The following NAALAD2 variants were observed in gnomAD, a reference collection of about 807,000 sequenced individuals.
NAALAD2 encodes the protein N-acetylated-alpha-linked acidic dipeptidase 2.
Under a neutral mutation model 95.6 loss-of-function variants are expected in NAALAD2, and 89 were observed. The observed-to-expected ratio is 0.93, with a 90% CI of 0.78 to 1.11. NAALAD2 has a LOEUF of 1.11. NAALAD2 is among the 50% of genes least tolerant of loss of function. The pLI, the probability that NAALAD2 is intolerant of heterozygous loss-of-function variation, is 0.00. For missense variants in NAALAD2, 894 were observed against 872.4 expected (o/e 1.02, Z -0.31); for synonymous variants, 264 against 294.4 (o/e 0.90, Z 1.06).
upstream of NAALAD2, among the ~76,000 whole-genome samples, chr11:90,133,697 G>C (rs769699326): frequency 2.0e-5 from 3 of 152,182 alleles, no homozygotes; most frequent in Non-Finnish European, 4.4e-5. Flanking sequence ...ATATGCAATG[G>C]CCTGGGACAA....
chr11:90,184,565 GTTA>G (rs1267357655), intron 18 of NAALAD2, among the ~76,000 whole-genome samples: 1 of 151,984 alleles, frequency 6.6e-6, no homozygotes, highest in African/African-American at 2.4e-5. Flanking sequence ...CTCAGGTGTT[GTTA>G]TTAGTCTATC....
chr11:90,150,427 G>GC (rs1951857195), intron 4 of NAALAD2, 55 bp from the exon 5 acceptor site: 2 of 1,098,702 alleles, frequency 1.8e-6, no homozygotes, highest in Non-Finnish European at 2.5e-6. Context: ...CTTATTTTTT[G>GC]TTTTTTTTTT....
In NAALAD2 at chr11:90,150,545, G is replaced by A; in HGVS notation, c.547G>A (p.Gly183Ser). The change falls in exon 5 of 19, where the codon GGC becomes AGC. Residue 183 changes from glycine (G) to serine (S), a missense_variant. Gly to Ser is a moderately conservative substitution (Grantham distance 56). Coordinates refer to ENST00000534061, the MANE Select transcript of NAALAD2 (RefSeq NM_005467.4). The part of the protein sequence containing the change: ...EDFFKLEREM[G>S]INCTGKIVIA... ...CTTTTTCAAACTAGAAAGAGAGATG[G>A]GCATCAACTGTACTGGGAAGATTGT... 6.2e-7 allele frequency: 1 copy of A among 1,610,230 alleles called. No homozygotes were observed. The highest frequency in any genetic ancestry group is 2.2e-5 in the East Asian group (1 of 44,696).
intron 13 of NAALAD2, among the ~76,000 whole-genome samples, chr11:90,171,086 A>G (rs1399861958): frequency 2.0e-5 from 3 of 152,252 alleles, no homozygotes; most frequent in East Asian, 1.9e-4. Context: ...ATTTATAAAT[A>G]TTAAATGAGT....
upstream of NAALAD2, among the ~76,000 whole-genome samples, chr11:90,133,508 A>AT (rs397957060): frequency 6.6e-6 from 1 of 151,858 alleles, no homozygotes; most frequent in Non-Finnish European, 1.5e-5. Flanking sequence ...GAAAAAAAAA[A>AT]GGCTTACAAA....
chr11:90,163,670 T>C (rs1245366340), intron 11 of NAALAD2, 53 bp downstream of exon 11: 1 of 1,472,670 alleles, frequency 6.8e-7, no homozygotes, highest in South Asian at 1.1e-5. Context: ...AGGGAACAAA[T>C]ATGTATGTGT....
intron 16 of NAALAD2, among the ~76,000 whole-genome samples, chr11:90,181,240 T>G (rs1952958728): frequency 6.6e-6 from 1 of 152,212 alleles, no homozygotes; most frequent in African/African-American, 2.4e-5. Flanking sequence ...ATTGGTATTT[T>G]TTTTTGCCCT....
upstream of NAALAD2, among the ~76,000 whole-genome samples, chr11:90,133,978 C>A (rs1184907074): frequency 6.6e-6 from 1 of 152,072 alleles, no homozygotes; most frequent in Non-Finnish European, 1.5e-5. Flanking sequence ...GTCAGAGAGA[C>A]CCCCTGGCTT....
intron 3 of NAALAD2, among the ~76,000 whole-genome samples, chr11:90,148,637 A>G (rs139120754): frequency 6.6e-6 from 1 of 152,252 alleles, no homozygotes; most frequent in Admixed American, 6.5e-5. Flanking sequence ...GAGGCAAGCA[A>G]TGGGCTGGGG....
intron 11 of NAALAD2, among the ~76,000 whole-genome samples, chr11:90,168,239 C>G (rs1357753617): frequency 3.3e-5 from 5 of 152,150 alleles, no homozygotes; most frequent in African/African-American, 1.2e-4. Context: ...GGAAGAAACT[C>G]TGAACACATC....
intron 14 of NAALAD2, among the ~76,000 whole-genome samples, chr11:90,175,049 C>T (rs758028240): frequency 2.0e-4 from 31 of 152,228 alleles, no homozygotes; most frequent in Non-Finnish European, 3.7e-4. Context: ...CCCAAGATAT[C>T]TCACTGCATA....
At chr11:90,174,354 C>G (rs1952726927) in intron 14 of NAALAD2, among the ~76,000 whole-genome samples, 1 of 151,622 alleles carries the variant, frequency 6.6e-6, no homozygotes, top group African/African-American at 2.4e-5. Flanking sequence ...AATAAGAATT[C>G]TTCTATCCAG....
chr11:90,144,352 AG>A (rs1324475994), intron 2 of NAALAD2, among the ~76,000 whole-genome samples: 1 of 152,182 alleles, frequency 6.6e-6, no homozygotes, highest in Non-Finnish European at 1.5e-5. Context: ...GAGAGTAAGA[AG>A]GCCTCCTAGC....
chr11:90,171,311 C>A (rs1413338333), intron 13 of NAALAD2, among the ~76,000 whole-genome samples: 1 of 152,020 alleles, frequency 6.6e-6, no homozygotes, highest in Non-Finnish European at 1.5e-5. Flanking sequence ...TTAATCTTAC[C>A]CCTCTCTTTT....
chr11:90,174,331 C>CA (rs778712509), intron 14 of NAALAD2, among the ~76,000 whole-genome samples: 2,180 of 130,484 alleles, frequency 0.017, 19 homozygotes, highest in Middle Eastern at 0.025. Context: ...AACTCCATCT[C>CA]AAAAAAAAAA....
At chr11:90,133,422 T>A (rs150490614), upstream of NAALAD2, among the ~76,000 whole-genome samples, 11 of 152,142 alleles carry the variant, frequency 7.2e-5, no homozygotes, top group East Asian at 2.1e-3. Flanking sequence ...ATTGCTAATG[T>A]AGGGGTCAAT....
At chr11:90,144,485 A>T (rs1203805093) in intron 2 of NAALAD2, among the ~76,000 whole-genome samples, 2 of 151,990 alleles carry the variant, frequency 1.3e-5, no homozygotes, top group Non-Finnish European at 2.9e-5. Flanking sequence ...TCATGCCTGT[A>T]ATCCCTGCAC....
intron 18 of NAALAD2, 109 bp downstream of exon 18, chr11:90,183,117 T>C (rs1423860343): frequency 2.9e-6 from 2 of 698,316 alleles, no homozygotes; most frequent in Non-Finnish European, 5.2e-6. Context: ...ATGTACACTC[T>C]AGGGAATTTG....
chr11:90,155,406 AAT>A (rs1491268897), intron 6 of NAALAD2, among the ~76,000 whole-genome samples: 2 of 85,284 alleles, frequency 2.3e-5, no homozygotes, highest in Non-Finnish European at 4.1e-5. Context: ...TAATATATAT[AAT>A]GTAATATTAC....
Sources: allele counts gnomAD v4.1 joint callset (sites outside exome capture counted in the v4.1 genomes callset), GRCh38; gene constraint gnomAD v4.1.1; transcripts MANE v1.5; gene names NCBI Gene and HGNC (gene_info 2026-07-23, HGNC 2026-07-21).